CNTN5: variants seen among roughly 807,000 people sequenced by gnomAD.
CNTN5 encodes contactin 5.
CNTN5 carries 77 observed loss-of-function variants against 129.1 expected under a neutral mutation model. The ratio of observed to expected loss-of-function variants is 0.60; its 90% CI spans 0.50 to 0.72. CNTN5 has a LOEUF of 0.72. Among genes scored for constraint, CNTN5 ranks in the 30% least tolerant of loss-of-function variants. The pLI is 0.00. For missense variants in CNTN5, 1,478 were observed against 1,328.8 expected (o/e 1.11, Z -1.75); for synonymous variants, 509 against 465.6 (o/e 1.09, Z -1.20).
intron 6 of CNTN5, among the ~76,000 whole-genome samples, chr11:99,904,300 A>G (rs1267645876): frequency 6.6e-6 from 1 of 151,206 alleles, no homozygotes; most frequent in Non-Finnish European, 1.5e-5. Context: ...CCCCTCCCCA[A>G]GCCCGGACAG....
At chr11:99,041,285 ATTT>A (rs1300980287) in intron 1 of CNTN5, among the ~76,000 whole-genome samples, 1 of 151,880 alleles carries the variant, frequency 6.6e-6, no homozygotes, top group East Asian at 1.9e-4. Flanking sequence ...TATCCTTCTG[ATTT>A]TTGCCATATC....
intron 1 of CNTN5, among the ~76,000 whole-genome samples, chr11:99,096,348 T>C (rs375330299): frequency 2.9e-4 from 44 of 151,906 alleles, no homozygotes; most frequent in African/African-American, 1.0e-3. Context: ...TGACAGTAAG[T>C]AGTACTTCTG....
At chr11:99,156,932 G>A (rs1309054936) in intron 1 of CNTN5, among the ~76,000 whole-genome samples, 2 of 152,000 alleles carry the variant, frequency 1.3e-5, no homozygotes, top group Admixed American at 6.6e-5. Flanking sequence ...ATAACTGAGA[G>A]TGTTTGGAAG....
At chr11:99,055,351 T>C (rs1214991593) in intron 1 of CNTN5, among the ~76,000 whole-genome samples, 3 of 152,080 alleles carry the variant, frequency 2.0e-5, no homozygotes, top group Non-Finnish European at 4.4e-5. Context: ...ATTTAAGATA[T>C]CCAAATTTTA....
At chr11:100,047,792 TGA>T (rs1297520398) in intron 9 of CNTN5, among the ~76,000 whole-genome samples, 1 of 152,072 alleles carries the variant, frequency 6.6e-6, no homozygotes, top group Non-Finnish European at 1.5e-5. Context: ...CTCATCAGTG[TGA>T]GAGGACATTA....
intron 15 of CNTN5, among the ~76,000 whole-genome samples, chr11:100,203,342 GAT>G (rs1357692527): frequency 2.0e-5 from 3 of 152,010 alleles, no homozygotes; most frequent in African/African-American, 7.2e-5. Context: ...TCTCAAAATG[GAT>G]ATGAGATGCA....
At chr11:99,673,519 G>T (rs1953138225) in intron 3 of CNTN5, among the ~76,000 whole-genome samples, 1 of 152,082 alleles carries the variant, frequency 6.6e-6, no homozygotes. Context: ...ATGGGGGTTT[G>T]TTGCACAGAT....
At chr11:99,948,599 C>CT (rs1460441147) in intron 7 of CNTN5, among the ~76,000 whole-genome samples, 1 of 152,108 alleles carries the variant, frequency 6.6e-6, no homozygotes, top group Middle Eastern at 3.2e-3. Context: ...ACCAGGTTTC[C>CT]TTTTCTCTTT....
chr11:99,915,746 G>C (rs1213341968), intron 6 of CNTN5, among the ~76,000 whole-genome samples: 4 of 152,042 alleles, frequency 2.6e-5, no homozygotes, highest in Non-Finnish European at 5.9e-5. Context: ...ATATCACTAC[G>C]TAGGAAATAT....
intron 21 of CNTN5, 138 bp from the exon 22 acceptor site, chr11:100,340,325 C>T (rs1952130591): frequency 5.0e-6 from 3 of 597,298 alleles, no homozygotes; most frequent in Admixed American, 3.2e-5. Flanking sequence ...TTAGTAAGAC[C>T]TGTTAATTGG....
chr11:99,823,417 T>C (rs1946860218), intron 4 of CNTN5, among the ~76,000 whole-genome samples: 1 of 152,156 alleles, frequency 6.6e-6, no homozygotes, highest in Non-Finnish European at 1.5e-5. Context: ...TATTCAGGTC[T>C]TGATTATGCA....
intron 9 of CNTN5, among the ~76,000 whole-genome samples, chr11:100,024,415 C>T (rs560575800): frequency 1.6e-4 from 24 of 152,132 alleles, no homozygotes; most frequent in Non-Finnish European, 2.2e-4. Context: ...AGAACTAATA[C>T]AACAAATTGG....
intron 3 of CNTN5, among the ~76,000 whole-genome samples, chr11:99,587,541 C>T (rs1303609020): frequency 1.3e-5 from 2 of 152,098 alleles, no homozygotes; most frequent in Non-Finnish European, 2.9e-5. Context: ...CCATTTTCTT[C>T]TGGTAATCTG....
At chr11:99,206,834 A>C (rs1859510214) in intron 1 of CNTN5, among the ~76,000 whole-genome samples, 1 of 152,130 alleles carries the variant, frequency 6.6e-6, no homozygotes, top group Non-Finnish European at 1.5e-5. Flanking sequence ...AATTTTATTT[A>C]ACTTTTCTTT....
chr11:99,358,398 T>A (rs1233578768), intron 2 of CNTN5, among the ~76,000 whole-genome samples: 1 of 147,488 alleles, frequency 6.8e-6, no homozygotes, highest in East Asian at 2.1e-4. Flanking sequence ...AAACCCTGTC[T>A]CTACTACAAA....
chr11:99,562,239 T>C (rs1341015715), intron 3 of CNTN5, among the ~76,000 whole-genome samples: 1 of 152,192 alleles, frequency 6.6e-6, no homozygotes, highest in Non-Finnish European at 1.5e-5. Context: ...AACTGAGCCT[T>C]CCTTGCACTT....
At chr11:100,265,207 AC>A (rs549754308) in intron 17 of CNTN5, among the ~76,000 whole-genome samples, 9 of 152,072 alleles carry the variant, frequency 5.9e-5, no homozygotes, top group Non-Finnish European at 8.8e-5. Flanking sequence ...AATTGTATTT[AC>A]CCTTCATGGT....
intron 2 of CNTN5, among the ~76,000 whole-genome samples, chr11:99,473,422 T>A (rs1945250559): frequency 1.3e-5 from 2 of 152,168 alleles, no homozygotes; most frequent in African/African-American, 4.8e-5. Flanking sequence ...CAGAAGTAAT[T>A]TATAACCCTT....
intron 6 of CNTN5, among the ~76,000 whole-genome samples, chr11:99,860,571 C>T (rs1397010920): frequency 2.6e-5 from 4 of 152,078 alleles, no homozygotes; most frequent in African/African-American, 9.7e-5. Context: ...AAATCCTTTC[C>T]TCATTGCTTA....
Sources: gnomAD v4.1 joint callset for allele counts (sites outside exome capture counted in the v4.1 genomes callset) on GRCh38, gnomAD v4.1.1 for gene constraint, MANE v1.5 for transcripts, NCBI Gene and HGNC (gene_info 2026-07-23, HGNC 2026-07-21) for gene names.